The following RB1CC1 variants were observed in gnomAD, a reference collection of about 807,000 sequenced individuals.
The protein encoded by RB1CC1 is RB1 inducible coiled-coil 1.
RB1CC1 carries 46 observed loss-of-function variants against 177.5 expected under a neutral mutation model. That is an observed-to-expected ratio of 0.26 (90% CI 0.20 to 0.33). The LOEUF is 0.33. RB1CC1 is among the 10% of genes least tolerant of loss of function. The pLI, the probability that RB1CC1 is intolerant of heterozygous loss-of-function variation, is 1.00. For synonymous variants in RB1CC1, 666 were observed against 613.6 expected (o/e 1.09, Z -1.26); for missense variants, 1,703 against 1,816.3 (o/e 0.94, Z 1.13).
chr8:52,651,517 G>A (rs1850583183), intron 15 of RB1CC1, among the ~76,000 whole-genome samples: 1 of 152,214 alleles, frequency 6.6e-6, no homozygotes, highest in South Asian at 2.1e-4. Context: ...ATCCATAGAA[G>A]CCTGGGGTTA....
At chr8:52,643,970 A>G (rs1037322318) in intron 16 of RB1CC1, among the ~76,000 whole-genome samples, 7 of 152,062 alleles carry the variant, frequency 4.6e-5, no homozygotes, top group East Asian at 1.9e-4. Flanking sequence ...CTGGCCACAA[A>G]GCATACAGGA....
At chr8:52,703,521 T>C (rs1490678722) in intron 1 of RB1CC1, among the ~76,000 whole-genome samples, 7 of 152,226 alleles carry the variant, frequency 4.6e-5, no homozygotes, top group African/African-American at 1.7e-4. Flanking sequence ...TAAATGGATT[T>C]TCATGCCTCT....
rs148134800 is a variant in RB1CC1 at position 52,668,152 on chromosome 8, G to A, written c.1042C>T (p.Arg348Cys). 21 of 1,613,756 alleles carry A rather than the reference G, an allele frequency of 1.3e-5. No individual in the cohort carries two copies. The highest frequency in any genetic ancestry group is 1.1e-4 in the East Asian group (5 of 44,878). Residue 348 changes from arginine (R) to cysteine (C), a missense_variant, in exon 8 of 24, where the codon CGT becomes TGT. Transcript: ENST00000025008. Reference protein sequence around the residue: ...RIIRPFIAECRQTIAKLDNQN... With the variant: ...RIIRPFIAECCQTIAKLDNQN... The stretch of plus-strand genomic sequence containing the variant: ...TTATCAAGTTTGGCAATAGTTTGAC[G>A]GCATTCTGCTATAAATGGTCGAATA...
chr8:52,644,544 T>C (rs1423459516), intron 16 of RB1CC1, among the ~76,000 whole-genome samples: 1 of 152,194 alleles, frequency 6.6e-6, no homozygotes, highest in Non-Finnish European at 1.5e-5. Flanking sequence ...AGGTTACTAC[T>C]GACCTCCTCA....
At chr8:52,713,955 G>A (rs1857282558) in intron 1 of RB1CC1, 120 bp downstream of exon 1, 1 of 211,048 alleles carries the variant, frequency 4.7e-6, no homozygotes, top group South Asian at 4.3e-5. Flanking sequence ...ACCTGCGCGT[G>A]GGCCGGGCTC....
Position 52,683,939 on chromosome 8 carries a change from C to G in RB1CC1, c.146G>C (p.Gly49Ala). Residue 49 changes from glycine to alanine, a missense_variant, in exon 4 of 24, where the codon GGA becomes GCA. Gly to Ala is a moderately conservative substitution (Grantham distance 60). Around this residue, in one of 6 missense-constraint regions of RB1CC1, gnomAD observed 118 missense variants for 121.2 expected, o/e 0.97. Transcript: ENST00000025008. Reference protein sequence around the residue: ...AIQHQVLVVNGGECMAADRRV... With the variant: ...AIQHQVLVVNAGECMAADRRV... ...TCGATCTGCAGCCATGCATTCTCCT[C>G]CATTGACCACCAGCACCTGGTGTTG... The G allele has an allele frequency of 6.2e-7, 1 of 1,614,124 alleles. No individual in the cohort carries two copies. Among genetic ancestry groups the G allele is most frequent in the South Asian group, 1.1e-5 (1 of 91,082 alleles).
At chr8:52,651,323 C>T (rs780473116) in intron 15 of RB1CC1, among the ~76,000 whole-genome samples, 5 of 152,178 alleles carry the variant, frequency 3.3e-5, no homozygotes, top group African/African-American at 4.8e-5. Flanking sequence ...AAATCCAATC[C>T]GCTTTTTTGC....
Position 52,658,139 on chromosome 8 carries a change from A to G in RB1CC1, c.1794-15T>C. The G allele has an allele frequency of 6.2e-7, 1 of 1,604,532 alleles. No individual in the cohort carries two copies. Among genetic ancestry groups the G allele is most frequent in the Non-Finnish European group, 8.5e-7 (1 of 1,177,250 alleles). On this transcript the variant is annotated splice_polypyrimidine_tract_variant and intron_variant, in intron 13 of 23. Transcript: ENST00000025008. ...GTAAGGGAACCCTGAAACAGAATGC[A>G]ATGCAATTAGACTTCTGATTTTTTA...
chr8:52,704,052 C>CA (rs113881852), intron 1 of RB1CC1, among the ~76,000 whole-genome samples: 3,528 of 151,988 alleles, frequency 0.023, 159 homozygotes, highest in African/African-American at 0.08. Flanking sequence ...AAACATTCAG[C>CA]AAAAAGGGAC....
chr8:52,703,648 A>G (rs1856297401), intron 1 of RB1CC1, among the ~76,000 whole-genome samples: 1 of 152,218 alleles, frequency 6.6e-6, no homozygotes, highest in African/African-American at 2.4e-5. Flanking sequence ...CTGACAGCCC[A>G]TACTTCAAAT....
chr8:52,631,537 G>C (rs1848756850), intron 20 of RB1CC1, among the ~76,000 whole-genome samples: 2 of 152,166 alleles, frequency 1.3e-5, no homozygotes, highest in South Asian at 4.1e-4. Flanking sequence ...CAAAAATGTT[G>C]TAAGTAACTA....
intron 18 of RB1CC1, among the ~76,000 whole-genome samples, chr8:52,638,214 C>T (rs1221025705): frequency 6.6e-6 from 1 of 152,092 alleles, no homozygotes; most frequent in Non-Finnish European, 1.5e-5. Flanking sequence ...TTGTCAAATG[C>T]TTTTTCTTCA....
intron 5 of RB1CC1, 52 bp downstream of exon 5, chr8:52,683,497 A>T: frequency 6.9e-7 from 1 of 1,452,116 alleles, no homozygotes; most frequent in Non-Finnish European, 9.2e-7. Flanking sequence ...TGTGCTATTT[A>T]GATCCGAATG....
chr8:52,639,707 A>G (rs1374505364), intron 18 of RB1CC1, among the ~76,000 whole-genome samples: 1 of 152,184 alleles, frequency 6.6e-6, no homozygotes, highest in East Asian at 1.9e-4. Context: ...TTGTCATTTC[A>G]GCTTCTACTG....
In RB1CC1 at chr8:52,634,909, G is replaced by T. The variant is rs757892000; in HGVS notation, c.4440+12C>A. On this transcript the variant is annotated intron_variant, in intron 20 of 23. Transcript: ENST00000025008. ...AATGTTAAGACCAATTTACCAAGAA[G>T]AAAAATCTTACCAGTCTTTGATTTA... is the stretch of plus-strand genomic sequence containing the variant. 21 of 1,581,550 alleles carry T rather than the reference G, an allele frequency of 1.3e-5. No individual in the cohort carries two copies. The highest frequency in any genetic ancestry group is 1.6e-5 in the Non-Finnish European group (18 of 1,157,058).
chr8:52,705,951 G>A (rs1024891834), intron 1 of RB1CC1, among the ~76,000 whole-genome samples: 1 of 152,140 alleles, frequency 6.6e-6, no homozygotes, highest in African/African-American at 2.4e-5. Flanking sequence ...TATATATTAT[G>A]TGATTCTGTT....
intron 19 of RB1CC1, 71 bp downstream of exon 19, chr8:52,635,944 C>T: frequency 6.5e-7 from 1 of 1,538,862 alleles, no homozygotes; most frequent in Admixed American, 2.0e-5. Context: ...TGTATGTTTC[C>T]AGAATGAAGT....
intron 1 of RB1CC1, among the ~76,000 whole-genome samples, chr8:52,688,407 C>T (rs998340514): frequency 2.6e-5 from 4 of 152,124 alleles, no homozygotes; most frequent in Admixed American, 6.5e-5. Context: ...GCTCTGGGAA[C>T]GCCTGTCTTA....
In RB1CC1 at chr8:52,642,508, T is replaced by A. The variant is rs764305646; in HGVS notation, c.4180A>T (p.Ser1394Cys). The A allele has an allele frequency of 6.2e-7, 1 of 1,614,106 alleles. No homozygotes were observed. The highest frequency in any genetic ancestry group is 1.7e-5 in the Admixed American group (1 of 60,020). ...TATGGTGAAGGAACAAAACTGCTAC[T>A]ACGCAACTTACTGACTTCTTCTTCA... ...KLEEEVSKLRSSSFVPSPYVA... is the reference protein window; with the variant it reads ...KLEEEVSKLRCSSFVPSPYVA... The change falls in exon 18 of 24, where the codon AGT (serine) becomes TGT (cysteine). Residue 1394 changes from serine (S) to cysteine (C), a missense_variant. Ser to Cys is a moderately radical substitution (Grantham distance 112, BLOSUM62 -1). Around this residue, in one of 6 missense-constraint regions of RB1CC1, gnomAD observed 1,169 missense variants for 1,184.7 expected, o/e 0.99. Transcript: ENST00000025008.
Sources: gnomAD v4.1 joint callset for allele counts (sites outside exome capture counted in the v4.1 genomes callset) on GRCh38, gnomAD v4.1.1 for gene constraint, gnomAD v4.1.1 regional missense constraint, MANE v1.5 for transcripts, NCBI Gene and HGNC (gene_info 2026-07-23, HGNC 2026-07-21) for gene names.